The following PRKN variants were observed in gnomAD, a reference collection of about 807,000 sequenced individuals.
The protein encoded by PRKN is E3 ubiquitin-protein ligase parkin.
Under a neutral mutation model 59.5 loss-of-function variants are expected in PRKN, and 56 were observed. The ratio of observed to expected loss-of-function variants is 0.94; its 90% CI spans 0.76 to 1.18. The LOEUF (loss-of-function observed/expected upper bound fraction) is 1.18, where lower values mean the gene tolerates loss of function less well. PRKN is among the 50% of genes most tolerant of loss of function. The probability of loss-of-function intolerance (pLI) is 0.00; values close to 1 mark genes in which losing one functional copy is unlikely to be tolerated. For missense variants in PRKN, 657 were observed against 596.4 expected (o/e 1.10, Z -1.06); for synonymous variants, 250 against 222.1 (o/e 1.13, Z -1.12).
chr6:161,388,477 G>A lies in PRKN; in HGVS notation c.1084-1600C>T, dbSNP rs1786362894. ...CACAGCAGAAACTGTATTCAGAGAA[G>A]GCATTTCAGCAGAGGAGAGAGTGCC... is the stretch of plus-strand genomic sequence containing the variant. On this transcript the variant is annotated intron_variant, in intron 9 of 11. Coordinates refer to ENST00000366898, the MANE Select transcript of PRKN (RefSeq NM_004562.3). The surrounding 1 kb of genome is among the most constrained non-coding windows in gnomAD (Gnocchi z 4.3). Among the ~76,000 whole-genome samples the A allele has an allele frequency of 6.6e-6, 1 of 152,206 alleles. No individual in the cohort carries two copies. Among genetic ancestry groups the A allele is most frequent in the Admixed American group, 6.5e-5 (1 of 15,286 alleles).
intron 6 of PRKN, among the ~76,000 whole-genome samples, chr6:161,937,587 TG>T (rs1248758354): frequency 6.6e-6 from 1 of 152,234 alleles, no homozygotes; most frequent in African/African-American, 2.4e-5. Context: ...AGTTATCTCC[TG>T]GGCATGGGTT....
chr6:161,771,735 G>A (rs1789702806), intron 7 of PRKN, among the ~76,000 whole-genome samples: 1 of 152,116 alleles, frequency 6.6e-6, no homozygotes. Context: ...TACTTGGTTT[G>A]GGTATTAGAT....
At chr6:161,909,100 A>G (rs1778258507) in intron 6 of PRKN, among the ~76,000 whole-genome samples, 1 of 152,230 alleles carries the variant, frequency 6.6e-6, no homozygotes, top group South Asian at 2.1e-4. Context: ...CTTTCTTTAT[A>G]AAATACATGG....
At chr6:162,010,167 G>A (rs912666646) in intron 5 of PRKN, among the ~76,000 whole-genome samples, 3 of 142,704 alleles carry the variant, frequency 2.1e-5, no homozygotes, top group Non-Finnish European at 3.0e-5. Context: ...GAGACCCCTC[G>A]CAGAATCAAT....
chr6:162,297,599 A>G (rs1353172979), intron 2 of PRKN, among the ~76,000 whole-genome samples: 1 of 152,182 alleles, frequency 6.6e-6, no homozygotes, highest in East Asian at 1.9e-4. Context: ...ATCAGAAAAT[A>G]TATTCATATA....
rs77262326 is a variant in PRKN at position 161,379,022 on chromosome 6, C to T, written c.1167+7772G>A. 9.7e-4 allele frequency among the ~76,000 whole-genome samples: 147 copies of T among 152,174 alleles called. No individual in the cohort carries two copies. The highest frequency in any genetic ancestry group is 1.2e-3 in the Non-Finnish European group (82 of 68,002). On this transcript the variant is annotated intron_variant, in intron 10 of 11. Coordinates refer to ENST00000366898, the MANE Select transcript of PRKN (RefSeq NM_004562.3). This position sits in a 1 kb window ranked among gnomAD's most constrained non-coding sequence, Gnocchi z 4.9. The stretch of plus-strand genomic sequence containing the variant: ...TTCTGGTCACTTTATGTTGCATTGC[C>T]AAGGGATTAGCAGGCTAGAAAGGGA...
chr6:162,031,119 G>A (rs1783620212), intron 5 of PRKN, among the ~76,000 whole-genome samples: 1 of 152,130 alleles, frequency 6.6e-6, no homozygotes, highest in Admixed American at 6.5e-5. Flanking sequence ...AATAAACAAT[G>A]CAGCTGAGAT....
At chr6:161,597,771 G>A (rs758016385) in intron 7 of PRKN, among the ~76,000 whole-genome samples, 1 of 152,196 alleles carries the variant, frequency 6.6e-6, no homozygotes, top group Non-Finnish European at 1.5e-5. Flanking sequence ...ATTAGTGCAT[G>A]AGGTACTGGT....
At chr6:161,430,834 A>G (rs796742241) in intron 9 of PRKN, among the ~76,000 whole-genome samples, 3,414 of 147,192 alleles carry the variant, frequency 0.023, 158 homozygotes, top group African/African-American at 0.082. Flanking sequence ...AAAAAAAAAA[A>G]AAAAGAAATA....
intron 1 of PRKN, among the ~76,000 whole-genome samples, chr6:162,552,577 C>G (rs1334019378): frequency 6.6e-6 from 1 of 151,920 alleles, no homozygotes; most frequent in East Asian, 1.9e-4. Context: ...AATAAGTTTC[C>G]ATGAAAAAAA....
intron 2 of PRKN, among the ~76,000 whole-genome samples, chr6:162,392,464 T>C (rs1391630154): frequency 6.6e-6 from 1 of 152,208 alleles, no homozygotes; most frequent in Non-Finnish European, 1.5e-5. Context: ...GATGATACCA[T>C]AATGTCTCTG....
chr6:162,199,197 C>T (rs960287834), intron 4 of PRKN, among the ~76,000 whole-genome samples: 3 of 148,506 alleles, frequency 2.0e-5, no homozygotes, highest in Admixed American at 6.8e-5. Context: ...TGACATCTAT[C>T]GTAATTATAT....
At chr6:161,640,992 T>C (rs528218615) in intron 7 of PRKN, among the ~76,000 whole-genome samples, 1 of 152,362 alleles carries the variant, frequency 6.6e-6, no homozygotes, top group South Asian at 2.1e-4. Flanking sequence ...TTTGCGAAAG[T>C]ATAACTGAGA....
chr6:161,359,496 C>A lies in PRKN; in HGVS notation c.1285+592G>T, dbSNP rs1443637247. Among the ~76,000 whole-genome samples the A allele has an allele frequency of 6.6e-6, 1 of 152,224 alleles. No homozygotes were observed. The highest frequency in any genetic ancestry group is 1.5e-5 in the Non-Finnish European group (1 of 68,040). On this transcript the variant is annotated intron_variant, in intron 11 of 11. Coordinates refer to ENST00000366898, the MANE Select transcript of PRKN (RefSeq NM_004562.3). This position sits in a 1 kb window ranked among gnomAD's most constrained non-coding sequence, Gnocchi z 5.4. Reference sequence around the variant, plus strand: ...TGATGGTGCCGCTGACTCTGCCTTGCACACGTACAAGTGCATCACATTGAG... The same window carrying A: ...TGATGGTGCCGCTGACTCTGCCTTGAACACGTACAAGTGCATCACATTGAG...
intron 2 of PRKN, among the ~76,000 whole-genome samples, chr6:162,381,482 T>C (rs925693276): frequency 6.6e-6 from 1 of 152,192 alleles, no homozygotes; most frequent in Admixed American, 6.5e-5. Flanking sequence ...TGAATTTGTG[T>C]GTAACTTAAT....
chr6:162,718,727 T>G (rs950306303), intron 1 of PRKN, among the ~76,000 whole-genome samples: 1 of 151,750 alleles, frequency 6.6e-6, no homozygotes, highest in African/African-American at 2.4e-5. Context: ...AAAAAAAAAT[T>G]TATTCCAGAA....
intron 6 of PRKN, among the ~76,000 whole-genome samples, chr6:161,927,448 G>C (rs187175428): frequency 6.6e-6 from 1 of 152,110 alleles, no homozygotes; most frequent in Admixed American, 6.5e-5. Flanking sequence ...CTTATAACTA[G>C]AATAGAAGAA....
intron 6 of PRKN, among the ~76,000 whole-genome samples, chr6:161,835,749 G>A (rs1190766618): frequency 6.6e-6 from 1 of 152,190 alleles, no homozygotes; most frequent in Non-Finnish European, 1.5e-5. Context: ...TGCTCTTAAG[G>A]TGGACTTTTA....
Position 161,435,315 on chromosome 6 carries a change from G to T in PRKN, c.1084-48438C>A, listed in dbSNP as rs370670330. On this transcript the variant is annotated intron_variant, in intron 9 of 11. Transcript: ENST00000366898. Reference sequence around the variant, plus strand: ...GTCCTAAAAAACTCCCTGCATAGTTGTACTCTATTTTTATCAAGCCATGCT... The same window carrying T: ...GTCCTAAAAAACTCCCTGCATAGTTTTACTCTATTTTTATCAAGCCATGCT... 1.3e-4 allele frequency among the ~76,000 whole-genome samples: 20 copies of T among 152,126 alleles called. No individual in the cohort carries two copies. In the East Asian group the frequency reaches 1.9e-3, roughly 15 times the overall value.
Sources: gnomAD v4.1 joint callset for allele counts (sites outside exome capture counted in the v4.1 genomes callset) on GRCh38, gnomAD v4.1.1 for gene constraint, Gnocchi (gnomAD v3.1) non-coding constraint, MANE v1.5 for transcripts, NCBI Gene and HGNC (gene_info 2026-07-23, HGNC 2026-07-21) for gene names.